SLCO1B3: variants seen among roughly 807,000 people sequenced by gnomAD.
The protein encoded by SLCO1B3 is liver-specific organic anion transporter 2.
SLCO1B3 carries 72 observed loss-of-function variants against 71.8 expected under a neutral mutation model. The observed-to-expected ratio is 1.00, with a 90% CI of 0.83 to 1.22. The LOEUF (loss-of-function observed/expected upper bound fraction) is 1.22. Ranked by LOEUF, SLCO1B3 falls within the 50% of genes most tolerant of loss-of-function variation. SLCO1B3 has a pLI of 0.00. For missense variants in SLCO1B3, 911 were observed against 819.7 expected (o/e 1.11, Z -1.36); for synonymous variants, 298 against 278.4 (o/e 1.07, Z -0.70).
At chr12:20,843,530 C>T (rs368382144) in intron 3 of SLCO1B3, among the ~76,000 whole-genome samples, 1 of 152,106 alleles carries the variant, frequency 6.6e-6, no homozygotes. Flanking sequence ...CCTATAATCC[C>T]AGCACTTTGG....
At chr12:20,834,844 C>T (rs542299533) in intron 3 of SLCO1B3, among the ~76,000 whole-genome samples, 57 of 152,286 alleles carry the variant, frequency 3.7e-4, no homozygotes, top group Non-Finnish European at 6.2e-4. Flanking sequence ...TAGCCCTCTT[C>T]TCACAGCTCC....
chr12:20,834,923 A>G lies in SLCO1B3; in HGVS notation c.84+19101A>G, dbSNP rs1355833676. 2.6e-5 allele frequency among the ~76,000 whole-genome samples: 4 copies of G among 152,142 alleles called. 1 individual carries two copies. The East Asian group carries it at 7.7e-4, about 29-fold the overall frequency. ...CCCACATTTCCCTTCTGACTGCCAT[A>G]CTGAAATTTCTCCATGAGGGCTTCA... On this transcript the variant is annotated intron_variant, in intron 3 of 15. Transcript: ENST00000381545.
chr12:20,874,931 G>A (rs1865546660), intron 8 of SLCO1B3, among the ~76,000 whole-genome samples: 1 of 152,100 alleles, frequency 6.6e-6, no homozygotes, highest in Admixed American at 6.6e-5. Context: ...GGTCTGAGGA[G>A]TTAAATGTCC....
chr12:20,895,026 C>T (rs144355023), intron 13 of SLCO1B3, among the ~76,000 whole-genome samples: 2 of 152,266 alleles, frequency 1.3e-5, no homozygotes, highest in African/African-American at 4.8e-5. Context: ...CATTATAAAG[C>T]AATCAAACCT....
At position 20,861,007 on chromosome 12, in the gene SLCO1B3, G is replaced by A. The variant is rs1330624601; in HGVS notation, c.360-10G>A. ...TAAGCAAAATGTTCAATTTCATGTT[G>A]CTCTTACAGTTATAGGTATTCTAAA... On this transcript the variant is annotated splice_polypyrimidine_tract_variant and intron_variant, in intron 5 of 15. Transcript: ENST00000381545. 6 of 1,554,214 alleles carry A rather than the reference G, an allele frequency of 3.9e-6. No homozygotes were observed. Among genetic ancestry groups the A allele is most frequent in the Non-Finnish European group, 5.2e-6 (6 of 1,146,554 alleles).
chr12:20,826,656 C>G (rs1380598020), intron 3 of SLCO1B3, among the ~76,000 whole-genome samples: 1 of 145,940 alleles, frequency 6.9e-6, no homozygotes, highest in Non-Finnish European at 1.5e-5. Flanking sequence ...AAAGGTACCT[C>G]TTTCTTAAAT....
At chr12:20,863,911 T>C (rs1264148362) in intron 8 of SLCO1B3, among the ~76,000 whole-genome samples, 2 of 152,152 alleles carry the variant, frequency 1.3e-5, no homozygotes. Flanking sequence ...TTTTAATGGA[T>C]ATTTCTACTA....
chr12:20,869,066 T>C (rs7965490), intron 8 of SLCO1B3, among the ~76,000 whole-genome samples: 110,029 of 151,968 alleles, frequency 0.72, 42,451 homozygotes, highest in South Asian at 0.9. Flanking sequence ...GTTAGGCCTC[T>C]GGATAACTGC....
intron 15 of SLCO1B3, among the ~76,000 whole-genome samples, chr12:20,905,096 C>T (rs921858178): frequency 6.6e-6 from 1 of 152,160 alleles, no homozygotes; most frequent in Admixed American, 6.5e-5. Flanking sequence ...AAGCTTGGGG[C>T]TTGCACCCTC....
At chr12:20,875,566 C>A in intron 9 of SLCO1B3, 89 bp downstream of exon 9, 1 of 1,303,424 alleles carries the variant, frequency 7.7e-7, no homozygotes, top group South Asian at 1.3e-5. Context: ...ATACTCAAAT[C>A]ATCTAGAGTC....
intron 15 of SLCO1B3, among the ~76,000 whole-genome samples, chr12:20,912,402 C>G (rs549385139): frequency 1.7e-4 from 25 of 150,822 alleles, no homozygotes; most frequent in African/African-American, 5.8e-4. Flanking sequence ...CGATGTCACT[C>G]ACTGCAACCT....
intron 15 of SLCO1B3, among the ~76,000 whole-genome samples, chr12:20,906,219 C>A (rs887874396): frequency 6.6e-6 from 1 of 152,080 alleles, no homozygotes; most frequent in African/African-American, 2.4e-5. Flanking sequence ...AACTTAAACT[C>A]ATATAGCTAA....
intron 13 of SLCO1B3, among the ~76,000 whole-genome samples, chr12:20,891,450 A>T (rs954765106): frequency 3.3e-5 from 5 of 151,978 alleles, no homozygotes; most frequent in African/African-American, 1.2e-4. Context: ...GCCACGTTTA[A>T]GATTTTTAAA....
At chr12:20,880,106 TATC>T (rs144767398) in intron 11 of SLCO1B3, among the ~76,000 whole-genome samples, 109,313 of 151,116 alleles carry the variant, frequency 0.72, 42,131 homozygotes, top group South Asian at 0.9. Context: ...CCTTAATAAT[TATC>T]ATATCTTTAC....
rs765608118 is a variant in SLCO1B3 at position 20,861,103 on chromosome 12, C to T, written c.446C>T (p.Ser149Leu). The T allele has an allele frequency of 5.0e-6, 8 of 1,598,434 alleles. No homozygotes were observed. The highest frequency in any genetic ancestry group is 4.5e-5 in the South Asian group (4 of 88,366). ...ACCTGTTTAATTAATCAAACCTTAT[C>T]ATTCAATGGAACATCACCTGAGATA... is the stretch of plus-strand genomic sequence containing the variant. ...LSTCLINQTLSFNGTSPEIVE... is the reference protein window; with the variant it reads ...LSTCLINQTLLFNGTSPEIVE... The change falls in exon 6 of 16, where the codon TCA becomes TTA. Residue 149 changes from serine (S) to leucine (L), a missense_variant. By Grantham distance (145) the Ser-to-Leu change is moderately radical. Coordinates refer to ENST00000381545, the MANE Select transcript of SLCO1B3 (RefSeq NM_019844.4).
At chr12:20,856,580 A>G (rs11045566) in intron 4 of SLCO1B3, among the ~76,000 whole-genome samples, 110,138 of 152,014 alleles carry the variant, frequency 0.72, 42,489 homozygotes, top group South Asian at 0.9. Flanking sequence ...TTTGTTTTTC[A>G]AGGCAGAGTC....
intron 3 of SLCO1B3, among the ~76,000 whole-genome samples, chr12:20,832,950 A>ATT (rs1864574872): frequency 3.3e-5 from 5 of 151,908 alleles, no homozygotes; most frequent in South Asian, 2.1e-4. Context: ...AAACAAAAAA[A>ATT]ATTATCTTAG....
Position 20,858,588 on chromosome 12 carries a change from T to A in SLCO1B3, c.359+17T>A. On this transcript the variant is annotated intron_variant, in intron 5 of 15. Coordinates refer to ENST00000381545, the MANE Select transcript of SLCO1B3 (RefSeq NM_019844.4). ...CATGGGATAGTAAGTGTTAAACAGC[T>A]CTGAGCCATTTATTATCAGCTACTT... is the stretch of plus-strand genomic sequence containing the variant. 1 of 1,585,028 alleles carries A rather than the reference T, an allele frequency of 6.3e-7. No homozygotes were observed. Among genetic ancestry groups the A allele is most frequent in the Non-Finnish European group, 8.6e-7 (1 of 1,165,344 alleles).
In SLCO1B3 at chr12:20,861,109, A is replaced by G. The variant is rs77922474; in HGVS notation, c.452A>G (p.Asn151Ser). Residue 151 changes from asparagine (N) to serine (S), a missense_variant, in exon 6 of 16, where the codon AAT becomes AGT. Transcript: ENST00000381545. ...TTAATTAATCAAACCTTATCATTCA[A>G]TGGAACATCACCTGAGATAGTAGAA... ...TCLINQTLSFNGTSPEIVEKD... is the reference protein window; with the variant it reads ...TCLINQTLSFSGTSPEIVEKD... 33 of 1,598,516 alleles carry G rather than the reference A, an allele frequency of 2.1e-5. No individual in the cohort carries two copies. Among genetic ancestry groups the G allele is most frequent in the Non-Finnish European group, 2.7e-5 (32 of 1,172,522 alleles).
Sources: gnomAD v4.1 joint callset for allele counts (sites outside exome capture counted in the v4.1 genomes callset) on GRCh38, gnomAD v4.1.1 for gene constraint, MANE v1.5 for transcripts, NCBI Gene and HGNC (gene_info 2026-07-23, HGNC 2026-07-21) for gene names.